Variants in WDR7 observed in about 807,000 individuals in gnomAD.
WDR7 encodes WD repeat-containing protein 7.
A neutral mutation model predicts 169.4 loss-of-function variants in WDR7; 46 were observed. That is an observed-to-expected ratio of 0.27 (90% CI 0.21 to 0.35). WDR7 has a LOEUF of 0.35. Among genes scored for constraint, WDR7 ranks in the 10% least tolerant of loss-of-function variants. The pLI, the probability that WDR7 is intolerant of heterozygous loss-of-function variation, is 1.00. For synonymous variants in WDR7, 612 were observed against 666.8 expected (o/e 0.92, Z 1.27); for missense variants, 1,534 against 1,859.3 (o/e 0.83, Z 3.22).
chr18:56,819,536 T>C (rs1305988726), intron 20 of WDR7, among the ~76,000 whole-genome samples: 1 of 152,224 alleles, frequency 6.6e-6, no homozygotes, highest in African/African-American at 2.4e-5. Context: ...TTTTAAATTA[T>C]ATATCATAGA....
intron 1 of WDR7, among the ~76,000 whole-genome samples, chr18:56,664,264 G>A (rs1178996102): frequency 3.3e-5 from 5 of 152,086 alleles, no homozygotes; most frequent in African/African-American, 7.2e-5. Flanking sequence ...TTTTGAGGGC[G>A]CAGACTAGAG....
chr18:56,939,736 T>C (rs575243253), intron 25 of WDR7, among the ~76,000 whole-genome samples: 1 of 152,240 alleles, frequency 6.6e-6, no homozygotes, highest in East Asian at 1.9e-4. Context: ...AAAGAAAATG[T>C]TCTTTTCTGC....
At chr18:57,032,842 T>TATATATATAC (rs1555649900), downstream of WDR7, 18 of 121,974 alleles carry the variant, frequency 1.5e-4, no homozygotes, top group Non-Finnish European at 2.0e-4. Context: ...TATATATATA[T>TATATATATAC]ATACAGTGTA....
chr18:56,966,110 G>A (rs1568290528), intron 26 of WDR7, among the ~76,000 whole-genome samples: 3 of 152,102 alleles, frequency 2.0e-5, no homozygotes, highest in South Asian at 2.1e-4. Flanking sequence ...CCGCTACAAC[G>A]GGGTCTTGCA....
At chr18:56,877,310 A>T (rs1034829865) in intron 20 of WDR7, among the ~76,000 whole-genome samples, 1 of 152,212 alleles carries the variant, frequency 6.6e-6, no homozygotes, top group African/African-American at 2.4e-5. Context: ...AGCTATTTAT[A>T]ATAAATATTC....
rs367809400 is a variant in WDR7, at chr18:56,849,750, T to TAAAAC, written c.3305-30169_3305-30165dup. On this transcript the variant is annotated intron_variant, in intron 20 of 27. Transcript: ENST00000254442. ...GCTTAAAACTTTCCAATAGCTTTTT[T>TAAAAC]AAAACAAAACAAAACAAAACAAAAC... Among the ~76,000 whole-genome samples, 295 of 152,216 alleles carry TAAAAC rather than the reference T, an allele frequency of 1.9e-3. 3 individuals are homozygous for TAAAAC. In the East Asian group the frequency reaches 0.031, roughly 16 times the overall value.
chr18:56,865,270 T>A (rs1052817146), intron 20 of WDR7, among the ~76,000 whole-genome samples: 1 of 152,062 alleles, frequency 6.6e-6, no homozygotes, highest in Non-Finnish European at 1.5e-5. Context: ...GCACTCAAAG[T>A]ATACTGCAAA....
At chr18:57,006,282 G>C (rs116689428) in intron 26 of WDR7, among the ~76,000 whole-genome samples, 3,904 of 151,630 alleles carry the variant, frequency 0.026, 79 homozygotes, top group African/African-American at 0.057. Flanking sequence ...ATTCACGTCT[G>C]CTTGGAAAGA....
chr18:56,798,344 A>G (rs1271216915), intron 19 of WDR7, among the ~76,000 whole-genome samples: 1 of 152,004 alleles, frequency 6.6e-6, no homozygotes, highest in African/African-American at 2.4e-5. Context: ...TAGCTTTGAG[A>G]CTCATTTGAC....
intron 20 of WDR7, among the ~76,000 whole-genome samples, chr18:56,860,347 G>T (rs561895458): frequency 9.1e-4 from 138 of 152,180 alleles, no homozygotes; most frequent in Admixed American, 1.4e-3. Flanking sequence ...TTGTAAAAAT[G>T]TGAAAAAAGA....
At chr18:56,966,449 G>A (rs1377752783) in intron 26 of WDR7, among the ~76,000 whole-genome samples, 2 of 151,980 alleles carry the variant, frequency 1.3e-5, no homozygotes, top group Non-Finnish European at 2.9e-5. Flanking sequence ...ACTTGATGAA[G>A]AGTAAATAGA....
chr18:57,035,301 C>T, the WDR7 span: 1 of 152,298 alleles, frequency 6.6e-6, no homozygotes, highest in African/African-American at 2.4e-5. Flanking sequence ...GGTGCTGGGT[C>T]AAGGGGAAAC....
chr18:56,862,554 A>G (rs2045822745), intron 20 of WDR7, among the ~76,000 whole-genome samples: 1 of 151,694 alleles, frequency 6.6e-6, no homozygotes, highest in South Asian at 2.1e-4. Flanking sequence ...ACATTTCAGT[A>G]TAGTTGTTTT....
intron 4 of WDR7, among the ~76,000 whole-genome samples, chr18:56,681,630 G>A (rs1172893081): frequency 1.3e-5 from 2 of 152,186 alleles, no homozygotes; most frequent in African/African-American, 4.8e-5. Context: ...TGCTGCTTCT[G>A]CTATTCTGGG....
In WDR7 at chr18:56,889,037, A is replaced by G. The variant is rs115509704; in HGVS notation, c.3526+8872A>G. On this transcript the variant is annotated intron_variant, in intron 21 of 27. Coordinates refer to ENST00000254442, the MANE Select transcript of WDR7 (RefSeq NM_015285.3). ...CCTTGTCAGTCAGTCATTGGATTGG[A>G]AAAGGGTTGGGAGGCCTAGGAAGGG... 2.4e-3 allele frequency among the ~76,000 whole-genome samples: 361 copies of G among 152,250 alleles called. 2 individuals are homozygous for G. The highest frequency in any genetic ancestry group is 8.2e-3 in the African/African-American group (339 of 41,548).
chr18:56,832,699 G>T (rs1430971832), intron 20 of WDR7, among the ~76,000 whole-genome samples: 1 of 152,206 alleles, frequency 6.6e-6, no homozygotes, highest in Non-Finnish European at 1.5e-5. Context: ...TGGGCAAACA[G>T]GGTCTGGAGT....
chr18:56,662,332 C>A (rs2024921889), intron 1 of WDR7, among the ~76,000 whole-genome samples: 1 of 152,180 alleles, frequency 6.6e-6, no homozygotes, highest in Non-Finnish European at 1.5e-5. Context: ...TGATCTGATA[C>A]TAGTTTGTAT....
At chr18:56,953,274 A>T (rs1318826718) in intron 25 of WDR7, among the ~76,000 whole-genome samples, 1 of 152,236 alleles carries the variant, frequency 6.6e-6, no homozygotes, top group Non-Finnish European at 1.5e-5. Context: ...AAATCAATAG[A>T]AACTTCAGTC....
intron 20 of WDR7, among the ~76,000 whole-genome samples, chr18:56,851,258 C>T (rs1451268709): frequency 6.6e-6 from 1 of 152,102 alleles, no homozygotes; most frequent in Non-Finnish European, 1.5e-5. Context: ...GGTTAGTTCT[C>T]CAAACATGTC....
Sources: gnomAD v4.1 joint callset for allele counts (sites outside exome capture counted in the v4.1 genomes callset) on GRCh38, gnomAD v4.1.1 for gene constraint, MANE v1.5 for transcripts, NCBI Gene and HGNC (gene_info 2026-07-23, HGNC 2026-07-21) for gene names.